The following USP34 variants were observed in gnomAD, a reference collection of about 807,000 sequenced individuals.
USP34 encodes ubiquitin carboxyl-terminal hydrolase 34.
In USP34, 70 loss-of-function variants were observed where a neutral mutation model predicts 460.3. That is an observed-to-expected ratio of 0.15 (90% CI 0.13 to 0.19). The LOEUF (loss-of-function observed/expected upper bound fraction) is 0.19. Among genes scored for constraint, USP34 ranks in the 10% least tolerant of loss-of-function variants. The pLI is 1.00. For missense variants in USP34, 3,985 were observed against 4,236.2 expected (o/e 0.94, Z 1.65); for synonymous variants, 1,647 against 1,405.3 (o/e 1.17, Z -3.85).
At chr2:61,388,105 A>G (rs1413976937) in intron 5 of USP34, among the ~76,000 whole-genome samples, 1 of 152,088 alleles carries the variant, frequency 6.6e-6, no homozygotes, top group Non-Finnish European at 1.5e-5. Flanking sequence ...ACATCTGCTT[A>G]GCGGGGCATG....
chr2:61,247,291 G>A (rs952458282), intron 49 of USP34, among the ~76,000 whole-genome samples: 7 of 152,172 alleles, frequency 4.6e-5, no homozygotes, highest in African/African-American at 1.7e-4. Flanking sequence ...GGTACAGTCT[G>A]AACTGGAACA....
At chr2:61,459,549 C>T (rs1180963176) in intron 1 of USP34, among the ~76,000 whole-genome samples, 6 of 151,942 alleles carry the variant, frequency 3.9e-5, no homozygotes, top group Admixed American at 2.6e-4. Flanking sequence ...CCAAGACGGG[C>T]GGATCACTTC....
intron 12 of USP34, among the ~76,000 whole-genome samples, chr2:61,350,011 T>G (rs1479168184): frequency 6.6e-6 from 1 of 151,372 alleles, no homozygotes; most frequent in Non-Finnish European, 1.5e-5. Flanking sequence ...TCCAAAGCTT[T>G]TGTTTAAAAA....
Position 61,343,806 on chromosome 2 carries a change from G to C in USP34, c.2500+9C>G, listed in dbSNP as rs755394165. The C allele has an allele frequency of 2.5e-6, 4 of 1,610,998 alleles. No homozygotes were observed. The highest frequency in any genetic ancestry group is 2.7e-5 in the African/African-American group (2 of 74,810). On this transcript the variant is annotated intron_variant, in intron 16 of 79. Transcript: ENST00000398571. ...AAGGTAATATATTTTACTTACTGTA[G>C]AGTCTTACCTTGACTAAGATGTTCA...
chr2:61,227,189 T>C lies in USP34; in HGVS notation c.7473A>G (p.Glu2491=). ...NPQVEVLSEE[E]GEEEEEEEDI... ...CTTCTTCCTCCTCTTCTTCTTCCCCTTCTTCCTCTGATAACACTTCAACTT... is the reference window on the plus strand; with the variant it reads ...CTTCTTCCTCCTCTTCTTCTTCCCCCTCTTCCTCTGATAACACTTCAACTT... Residue 2491 remains glutamate (E), a synonymous_variant, in exon 62 of 80, where the codon GAA becomes GAG. Coordinates refer to ENST00000398571, the MANE Select transcript of USP34 (RefSeq NM_014709.4). The C allele has an allele frequency of 1.2e-6, 2 of 1,613,524 alleles. No individual in the cohort carries two copies. Among genetic ancestry groups the C allele is most frequent in the Non-Finnish European group, 1.7e-6 (2 of 1,179,650 alleles).
intron 67 of USP34, 141 bp downstream of exon 67, chr2:61,220,169 A>G: frequency 6.6e-6 from 3 of 452,852 alleles, no homozygotes; most frequent in Non-Finnish European, 1.0e-5. Flanking sequence ...AAAAAAAAAA[A>G]AAAAAAAAAA....
intron 33 of USP34, among the ~76,000 whole-genome samples, chr2:61,292,455 A>C (rs530030061): frequency 3.9e-5 from 6 of 152,310 alleles, no homozygotes; most frequent in African/African-American, 7.2e-5. Flanking sequence ...CATAATTTCA[A>C]GAAAAACAAA....
In USP34 at chr2:61,343,937, T is replaced by C; in HGVS notation, c.2378A>G (p.Asp793Gly). ...AKSEKNMADF[D>G]GEESGCEEEL... is the part of the protein sequence containing the mutation. ...CTCTTCACATCCAGATTCTTCACCA[T>C]CAAAATCAGCCATATTTTTTTCTGA... Residue 793 changes from aspartate to glycine, a missense_variant, in exon 16 of 80, where the codon GAT becomes GGT. By Grantham distance (94) the Asp-to-Gly change is moderately conservative (BLOSUM62 -1). Around this residue, in one of 14 missense-constraint regions of USP34, gnomAD observed 716 missense variants for 626.2 expected, o/e 1.14. Transcript: ENST00000398571. 2.5e-6 allele frequency: 4 copies of C among 1,613,978 alleles called. No homozygotes were observed. The highest frequency in any genetic ancestry group is 1.1e-5 in the South Asian group (1 of 91,076).
intron 10 of USP34, among the ~76,000 whole-genome samples, chr2:61,357,257 G>C (rs1692135449): frequency 6.6e-6 from 1 of 152,130 alleles, no homozygotes; most frequent in South Asian, 2.1e-4. Context: ...CCCACAGCAG[G>C]AAGAAGCTGA....
chr2:61,341,066 G>C lies in USP34; in HGVS notation c.2501-1385C>G, dbSNP rs996662606. ...TTACAAATTACTTTTGACTGTTCTA[G>C]AACTGCACATAAGTAATACACAGTA... On this transcript the variant is annotated intron_variant, in intron 16 of 79. Coordinates refer to ENST00000398571, the MANE Select transcript of USP34 (RefSeq NM_014709.4). Among the ~76,000 whole-genome samples, 4 of 152,050 alleles carry C rather than the reference G, an allele frequency of 2.6e-5. 1 individual carries two copies. Among genetic ancestry groups the C allele is most frequent in the Non-Finnish European group, 4.4e-5 (3 of 68,026 alleles).
intron 72 of USP34, among the ~76,000 whole-genome samples, chr2:61,205,519 G>GA (rs892090703): frequency 8.3e-4 from 125 of 149,838 alleles, no homozygotes; most frequent in African/African-American, 2.2e-3. Context: ...CTAATGTAGT[G>GA]AAAAAAAAAT....
At chr2:61,217,849 G>T (rs935719938) in intron 67 of USP34, among the ~76,000 whole-genome samples, 2 of 152,126 alleles carry the variant, frequency 1.3e-5, no homozygotes, top group Admixed American at 6.6e-5. Flanking sequence ...CAGCTACTCA[G>T]GAGGCTGAGA....
At chr2:61,456,947 C>T (rs1695458590) in intron 1 of USP34, among the ~76,000 whole-genome samples, 2 of 151,926 alleles carry the variant, frequency 1.3e-5, no homozygotes, top group African/African-American at 4.8e-5. Context: ...AGCCACTGTA[C>T]TCCAGCCTGG....
chr2:61,252,647 G>C (rs1309008921), intron 48 of USP34, among the ~76,000 whole-genome samples: 1 of 152,220 alleles, frequency 6.6e-6, no homozygotes, highest in African/African-American at 2.4e-5. Flanking sequence ...GTTACAGGCA[G>C]AGGGAATAAA....
intron 10 of USP34, among the ~76,000 whole-genome samples, chr2:61,363,185 A>C (rs926607851): frequency 6.6e-6 from 1 of 152,208 alleles, no homozygotes; most frequent in Non-Finnish European, 1.5e-5. Context: ...AGGATAGCTG[A>C]ATTTTTTTTC....
chr2:61,318,097 G>A (rs967829038), intron 22 of USP34, among the ~76,000 whole-genome samples: 30 of 150,838 alleles, frequency 2.0e-4, no homozygotes, highest in Admixed American at 6.6e-4. Context: ...GGAGGCTGTA[G>A]TGGGAGAATT....
At chr2:61,356,937 C>G (rs1692125912) in intron 10 of USP34, among the ~76,000 whole-genome samples, 1 of 151,676 alleles carries the variant, frequency 6.6e-6, no homozygotes, top group Non-Finnish European at 1.5e-5. Context: ...ATTCAAAATA[C>G]CAAGAAGATA....
Position 61,311,799 on chromosome 2 carries a change from A to G in USP34, c.3654T>C (p.Ala1218=). Residue 1218 remains alanine, a synonymous_variant, in exon 26 of 80, where the codon GCT becomes GCC. Transcript: ENST00000398571. ...SLPLRVVCQP[A]GLPDKMTIEM... ...ATGTAAGTACCTTGTCAGGAAGTCCAGCTGGCTGGCATACAACCCTTAGCG... is the reference window on the plus strand; with the variant it reads ...ATGTAAGTACCTTGTCAGGAAGTCCGGCTGGCTGGCATACAACCCTTAGCG... 1 of 1,613,984 alleles carries G rather than the reference A, an allele frequency of 6.2e-7. No homozygotes were observed. Among genetic ancestry groups the G allele is most frequent in the Non-Finnish European group, 8.5e-7 (1 of 1,179,940 alleles).
chr2:61,187,839 T>C lies in USP34; in HGVS notation c.*263A>G. 1 of 1,196,328 alleles carries C rather than the reference T, an allele frequency of 8.4e-7. No individual in the cohort carries two copies. The highest frequency in any genetic ancestry group is 1.1e-6 in the Non-Finnish European group (1 of 929,028). The allele number at this position is 1,196,328 out of a possible 1,614,324, so 74.1% of individuals were successfully genotyped here. A position where few individuals can be genotyped will look rare whatever the true frequency, so the allele number is the denominator to read the frequency against. On this transcript the variant is annotated 3_prime_UTR_variant, in exon 80 of 80. Transcript: ENST00000398571. ...CAACCCTGTTCTTCCCAGACAGCCA[T>C]ATTAAATGAAAGCCACTAAAGTGAA...
Sources: allele counts gnomAD v4.1 joint callset (sites outside exome capture counted in the v4.1 genomes callset), GRCh38; gene constraint gnomAD v4.1.1; regional missense constraint gnomAD v4.1.1; transcripts MANE v1.5; gene names NCBI Gene and HGNC (gene_info 2026-07-23, HGNC 2026-07-21).